The following RDX variants were observed in gnomAD, a reference collection of about 807,000 sequenced individuals.
The protein encoded by RDX is deafness, autosomal recessive 24.
RDX carries 32 observed loss-of-function variants against 83.7 expected under a neutral mutation model. The ratio of observed to expected loss-of-function variants is 0.38; its 90% CI spans 0.29 to 0.51. The LOEUF (loss-of-function observed/expected upper bound fraction) is 0.51. Among genes scored for constraint, RDX ranks in the 20% least tolerant of loss-of-function variants. The probability of loss-of-function intolerance (pLI) is 0.87; values close to 1 mark genes in which losing one functional copy is unlikely to be tolerated. For missense variants in RDX, 600 were observed against 689.9 expected, an observed-to-expected ratio of 0.87 and a Z score of 1.46; for synonymous variants, 229 against 222.7, an observed-to-expected ratio of 1.03 and a Z score of -0.25.
chr11:110,279,807 A>G (rs543270959), intron 1 of RDX, 51 bp from the exon 2 acceptor site: 3 of 652,022 alleles, frequency 4.6e-6, no homozygotes, highest in East Asian at 5.6e-5. Context: ...TAAGGTTTCT[A>G]TTTTAACTAT....
rs1325532758 is a variant in RDX at position 110,270,022 on chromosome 11, G to A, written c.96+2514C>T. 4.6e-5 allele frequency among the ~76,000 whole-genome samples: 7 copies of A among 152,018 alleles called. No individual in the cohort carries two copies. The East Asian group carries it at 1.3e-3, about 29-fold the overall frequency. On this transcript the variant is annotated intron_variant, in intron 3 of 13. Coordinates refer to ENST00000645495, the MANE Select transcript of RDX (RefSeq NM_002906.4). ...GCACCACTGCATTCCAGCCTGGGGC[G>A]ACAGGAGTGAGAGCCAATCTAAAAA...
chr11:110,296,438 G>A (rs948328736), intron 1 of RDX, 29 bp downstream of exon 1: 2 of 151,540 alleles, frequency 1.3e-5, no homozygotes, highest in African/African-American at 4.8e-5. Context: ...GGAGCGGGGA[G>A]TGGGGGAAGG....
At chr11:110,220,529 T>C (rs1482418286) in intron 14 of RDX, among the ~76,000 whole-genome samples, 1 of 152,146 alleles carries the variant, frequency 6.6e-6, no homozygotes, top group East Asian at 1.9e-4. Flanking sequence ...CTTATTTTTT[T>C]TGAGACAGAG....
chr11:110,201,589 T>C (rs1336398208), intron 14 of RDX, among the ~76,000 whole-genome samples: 1 of 152,152 alleles, frequency 6.6e-6, no homozygotes, highest in Non-Finnish European at 1.5e-5. Flanking sequence ...GAGGGTGAGA[T>C]ACATAAAAAT....
Position 110,258,149 on chromosome 11 carries a change from C to T in RDX, c.508G>A (p.Glu170Lys), listed in dbSNP as rs760022115. 17 of 1,610,922 alleles carry T rather than the reference C, an allele frequency of 1.1e-5. No homozygotes were observed. The highest frequency in any genetic ancestry group is 3.4e-4 in the Middle Eastern group (2 of 5,948). ...TCTTCATGCCAGTTCTGTATTCTTT[C>T]TTCCCACTGTTCTTTTGTTAGTTTG... is the stretch of plus-strand genomic sequence containing the variant. ...QHKLTKEQWE[E>K]RIQNWHEEHR... The change falls in exon 6 of 14, where the codon GAA becomes AAA. Residue 170 changes from glutamate to lysine, a missense_variant. Coordinates refer to ENST00000645495, the MANE Select transcript of RDX (RefSeq NM_002906.4).
At chr11:110,257,686 AC>A in intron 7 of RDX, 80 bp downstream of exon 7, 1 of 1,424,240 alleles carries the variant, frequency 7.0e-7, no homozygotes, top group Non-Finnish European at 9.9e-7. Flanking sequence ...ACAAGAAACT[AC>A]TTTGAAAAAC....
At chr11:110,281,947 AAAAAAAAAAAACCAAACAAAC>A (rs1168799566) in intron 1 of RDX, among the ~76,000 whole-genome samples, 1 of 151,116 alleles carries the variant, frequency 6.6e-6, no homozygotes, top group African/African-American at 2.4e-5. Flanking sequence ...TCAAAAAAAA[AAAAAAAAAAAACCAAACAAAC>A]AAAAAAAAAA....
At chr11:110,221,064 G>C (rs368306367) in intron 14 of RDX, among the ~76,000 whole-genome samples, 74 of 152,118 alleles carry the variant, frequency 4.9e-4, no homozygotes, top group African/African-American at 1.7e-3. Flanking sequence ...GGCAGCGACT[G>C]GCTAAAACAG....
At chr11:110,279,219 G>A (rs1208707223) in intron 2 of RDX, among the ~76,000 whole-genome samples, 1 of 152,104 alleles carries the variant, frequency 6.6e-6, no homozygotes, top group Non-Finnish European at 1.5e-5. Flanking sequence ...ATTAAAAATT[G>A]GACAGATTGA....
intron 7 of RDX, among the ~76,000 whole-genome samples, chr11:110,255,760 A>G (rs904137650): frequency 6.6e-6 from 1 of 151,360 alleles, no homozygotes; most frequent in Non-Finnish European, 1.5e-5. Context: ...AAGTGGGAAG[A>G]AAAAAAAAGG....
chr11:110,253,615 C>A (rs1859425204), intron 9 of RDX, among the ~76,000 whole-genome samples: 1 of 152,060 alleles, frequency 6.6e-6, no homozygotes, highest in South Asian at 2.1e-4. Context: ...ATATTCAGCA[C>A]ATTCTTACCC....
chr11:110,194,395 T>A lies in RDX; in HGVS notation c.*31+5186A>T, dbSNP rs181443712. Among the ~76,000 whole-genome samples the A allele has an allele frequency of 1.5e-3, 223 of 152,296 alleles. 2 individuals are homozygous for A. Among genetic ancestry groups the A allele is most frequent in the Non-Finnish European group, 2.8e-3 (192 of 68,012 alleles). On this transcript the variant is annotated intron_variant, in intron 15 of 15. Coordinates refer to the RDX transcript ENST00000528498. Reference sequence around the variant, plus strand: ...CCACCACACCCAGCTAATTTATGTATTTTTAGTAGAGACGGGGTTTTGCCA... The same window carrying A: ...CCACCACACCCAGCTAATTTATGTAATTTTAGTAGAGACGGGGTTTTGCCA...
At chr11:110,184,906 C>T (rs149030447) in intron 15 of RDX, among the ~76,000 whole-genome samples, 17 of 152,200 alleles carry the variant, frequency 1.1e-4, no homozygotes, top group African/African-American at 4.1e-4. Flanking sequence ...CGGTGCTGAC[C>T]TTGGAGGGGG....
chr11:110,244,340 G>A (rs866408143), intron 10 of RDX, among the ~76,000 whole-genome samples: 2 of 123,758 alleles, frequency 1.6e-5, no homozygotes, highest in Middle Eastern at 9.9e-3. Context: ...TCCAACCTGG[G>A]GCAACAGAGT....
In RDX at chr11:110,292,567, C is replaced by T. The variant is rs1591193283; in HGVS notation, c.-65+3900G>A. Reference sequence around the variant, plus strand: ...TTGATGCCAATGCATCTTAAAGGATCTAAGGGCTCAAAACTGAAGAGCGCT... The same window carrying T: ...TTGATGCCAATGCATCTTAAAGGATTTAAGGGCTCAAAACTGAAGAGCGCT... On this transcript the variant is annotated intron_variant, in intron 1 of 13. Transcript: ENST00000645495. 2.0e-5 allele frequency among the ~76,000 whole-genome samples: 3 copies of T among 152,116 alleles called. No individual in the cohort carries two copies. In the South Asian group the frequency reaches 6.2e-4, roughly 32 times the overall value.
intron 2 of RDX, among the ~76,000 whole-genome samples, chr11:110,273,602 A>G (rs543205969): frequency 6.6e-6 from 1 of 152,358 alleles, no homozygotes; most frequent in African/African-American, 2.4e-5. Flanking sequence ...TTAAATAATA[A>G]TTTTATTGTG....
intron 14 of RDX, among the ~76,000 whole-genome samples, chr11:110,202,023 G>A (rs1048678306): frequency 1.3e-5 from 2 of 151,532 alleles, no homozygotes; most frequent in South Asian, 4.2e-4. Context: ...TAGGTAATCC[G>A]CCCGCCTTGG....
At chr11:110,232,786 T>C (rs1265123438) in intron 13 of RDX, among the ~76,000 whole-genome samples, 1 of 152,128 alleles carries the variant, frequency 6.6e-6, no homozygotes, top group Admixed American at 6.5e-5. Flanking sequence ...GGCTAATTTT[T>C]GTATTTTTGG....
chr11:110,290,650 A>C (rs1676512), intron 1 of RDX, among the ~76,000 whole-genome samples: 1 of 152,102 alleles, frequency 6.6e-6, no homozygotes, highest in South Asian at 2.1e-4. Flanking sequence ...ATAACTGTCC[A>C]AATGTACGAC....
Sources: gnomAD v4.1 joint callset for allele counts (sites outside exome capture counted in the v4.1 genomes callset) on GRCh38, gnomAD v4.1.1 for gene constraint, MANE v1.5 for transcripts, NCBI Gene and HGNC (gene_info 2026-07-23, HGNC 2026-07-21) for gene names.